The following KIF26B variants were observed in gnomAD, a reference collection of about 807,000 sequenced individuals.
The protein encoded by KIF26B is kinesin-like protein KIF26B.
In KIF26B, 63 loss-of-function variants were observed where a neutral mutation model predicts 151.2. That is an observed-to-expected ratio of 0.42 (90% confidence interval 0.34 to 0.51). The LOEUF (loss-of-function observed/expected upper bound fraction) is 0.51. Ranked by LOEUF, KIF26B falls within the 20% of genes least tolerant of loss-of-function variation. The pLI, the probability that KIF26B is intolerant of heterozygous loss-of-function variation, is 0.07. For missense variants in KIF26B, 2,813 were observed against 2,913.6 expected (o/e 0.97, Z 0.79); for synonymous variants, 1,357 against 1,262.1 (o/e 1.08, Z -1.59).
chr1:245,158,260 C>T (rs1359191548), intron 2 of KIF26B, among the ~76,000 whole-genome samples: 7 of 151,534 alleles, frequency 4.6e-5, no homozygotes, highest in African/African-American at 1.7e-4. Context: ...ATGCAAAGGC[C>T]GATCAAAATA....
chr1:245,173,866 G>A (rs1015750519), intron 2 of KIF26B, among the ~76,000 whole-genome samples: 4 of 152,210 alleles, frequency 2.6e-5, no homozygotes, highest in Non-Finnish European at 5.9e-5. Context: ...GTGGTACGAC[G>A]TGTGACACGG....
chr1:245,565,027 G>A (rs1340117857), intron 5 of KIF26B, among the ~76,000 whole-genome samples: 1 of 152,174 alleles, frequency 6.6e-6, no homozygotes, highest in Non-Finnish European at 1.5e-5. Context: ...CTGTTACAGA[G>A]AACAAAATTT....
At chr1:245,507,903 C>T (rs1399079046) in intron 4 of KIF26B, among the ~76,000 whole-genome samples, 1 of 152,180 alleles carries the variant, frequency 6.6e-6, no homozygotes, top group African/African-American at 2.4e-5. Context: ...TGGCATCTTT[C>T]ATTTCCACCT....
intron 9 of KIF26B, among the ~76,000 whole-genome samples, chr1:245,631,564 G>A (rs1047537373): frequency 2.0e-5 from 3 of 152,140 alleles, no homozygotes; most frequent in African/African-American, 4.8e-5. Context: ...ATGTTCATCA[G>A]GGATATTGGT....
rs1350605894 is a variant in KIF26B at position 245,560,147 on chromosome 1, G to A, written c.1350+19197G>A. On this transcript the variant is annotated intron_variant, in intron 5 of 14. Coordinates refer to ENST00000407071, the MANE Select transcript of KIF26B (RefSeq NM_018012.4). The surrounding 1 kb of genome is among the most constrained non-coding windows in gnomAD (Gnocchi z 4.3). Reference sequence around the variant, plus strand: ...GTGCCTGTGTCCCCTACTCCAGACCGTGAGTTGTGGATGAAAGGGGCTGTA... The same window carrying A: ...GTGCCTGTGTCCCCTACTCCAGACCATGAGTTGTGGATGAAAGGGGCTGTA... 6.6e-6 allele frequency among the ~76,000 whole-genome samples: 1 copy of A among 152,122 alleles called. No individual in the cohort carries two copies. Among genetic ancestry groups the A allele is most frequent in the Non-Finnish European group, 1.5e-5 (1 of 68,024 alleles).
At chr1:245,191,075 A>G (rs1383017603) in intron 2 of KIF26B, among the ~76,000 whole-genome samples, 2 of 150,874 alleles carry the variant, frequency 1.3e-5, no homozygotes, top group East Asian at 3.9e-4. Flanking sequence ...AAAAAAAAAA[A>G]AAAAAAAAAA....
chr1:245,508,382 T>A (rs1036309828), intron 4 of KIF26B, among the ~76,000 whole-genome samples: 5 of 152,240 alleles, frequency 3.3e-5, no homozygotes, highest in African/African-American at 7.2e-5. Flanking sequence ...CTGTGACTAC[T>A]GGCGCCCGCC....
chr1:245,475,537 A>G (rs1660016553), intron 4 of KIF26B, among the ~76,000 whole-genome samples: 1 of 151,792 alleles, frequency 6.6e-6, no homozygotes, highest in Non-Finnish European at 1.5e-5. Context: ...ACAGAGCCAG[A>G]CTCCATCTCT....
In KIF26B at chr1:245,218,201, A is replaced by T. The variant is rs915526456; in HGVS notation, c.465+61518A>T. On this transcript the variant is annotated intron_variant, in intron 2 of 14. Coordinates refer to ENST00000407071, the MANE Select transcript of KIF26B (RefSeq NM_018012.4). The surrounding 1 kb of genome is among the most constrained non-coding windows in gnomAD (Gnocchi z 4.1). ...CAGGGGCTACTCCAGCTTTCATGTC[A>T]CCAGAGCAGTGACATTCGGGCCCTC... Among the ~76,000 whole-genome samples the T allele has an allele frequency of 3.9e-5, 6 of 152,082 alleles. No homozygotes were observed. Among genetic ancestry groups the T allele is most frequent in the African/African-American group, 1.2e-4 (5 of 41,418 alleles).
Position 245,606,398 on chromosome 1 carries a change from C to T in KIF26B, c.1558-1253C>T, listed in dbSNP as rs146841080. Among the ~76,000 whole-genome samples, 491 of 151,670 alleles carry T rather than the reference C, an allele frequency of 3.2e-3. 8 individuals carry two copies. The highest frequency in any genetic ancestry group is 0.011 in the African/African-American group (448 of 41,570). On this transcript the variant is annotated intron_variant, in intron 6 of 14. Transcript: ENST00000407071. The surrounding 1 kb of genome is among the most constrained non-coding windows in gnomAD (Gnocchi z 4.6). The stretch of plus-strand genomic sequence containing the variant: ...CAAAGCCCCATGTTAGCACTGCCTC[C>T]CGGAGCTCCCACGAGCCCTGACTCC...
intron 2 of KIF26B, among the ~76,000 whole-genome samples, chr1:245,197,369 G>A (rs1285885996): frequency 2.6e-5 from 4 of 152,306 alleles, no homozygotes; most frequent in African/African-American, 9.6e-5. Flanking sequence ...AGGAAGATCT[G>A]AGGAGGGGCA....
At chr1:245,184,019 C>T (rs1396756840) in intron 2 of KIF26B, among the ~76,000 whole-genome samples, 2 of 96,660 alleles carry the variant, frequency 2.1e-5, no homozygotes, top group Non-Finnish European at 4.7e-5. Flanking sequence ...TGACCCCTAA[C>T]CTCCTGCAAC....
intron 5 of KIF26B, among the ~76,000 whole-genome samples, chr1:245,587,932 T>C (rs1007350296): frequency 6.6e-6 from 1 of 152,214 alleles, no homozygotes; most frequent in Non-Finnish European, 1.5e-5. Flanking sequence ...TCCCAGCACA[T>C]GATAAATGCT....
chr1:245,290,810 A>G (rs1046223356), intron 2 of KIF26B, among the ~76,000 whole-genome samples: 3 of 152,230 alleles, frequency 2.0e-5, no homozygotes, highest in Non-Finnish European at 4.4e-5. Flanking sequence ...TACTTGGTGT[A>G]TCAGTTATCT....
intron 3 of KIF26B, among the ~76,000 whole-genome samples, chr1:245,414,643 C>T (rs1356495604): frequency 6.6e-6 from 1 of 152,202 alleles, no homozygotes; most frequent in Non-Finnish European, 1.5e-5. Flanking sequence ...CTTCTAGGCC[C>T]CACAGAGGCC....
chr1:245,663,650 A>G (rs2044181653), intron 10 of KIF26B, among the ~76,000 whole-genome samples: 1 of 152,214 alleles, frequency 6.6e-6, no homozygotes, highest in South Asian at 2.1e-4. Context: ...TACTTCTACC[A>G]GGTGCCAGTT....
At chr1:245,277,260 A>G (rs1670956475) in intron 2 of KIF26B, among the ~76,000 whole-genome samples, 1 of 152,196 alleles carries the variant, frequency 6.6e-6, no homozygotes, top group Non-Finnish European at 1.5e-5. Context: ...CCCCAGGGAC[A>G]TGGGAAGTGA....
chr1:245,652,477 T>A (rs1467038379), intron 10 of KIF26B, among the ~76,000 whole-genome samples: 1 of 152,228 alleles, frequency 6.6e-6, no homozygotes, highest in Non-Finnish European at 1.5e-5. Flanking sequence ...GCTTTTATTT[T>A]TCCCCCTTAG....
intron 9 of KIF26B, among the ~76,000 whole-genome samples, chr1:245,622,140 C>T (rs576371174): frequency 6.6e-5 from 10 of 152,264 alleles, no homozygotes; most frequent in African/African-American, 2.4e-4. Flanking sequence ...TAACTATTTC[C>T]ATAGCACGCT....
Sources: gnomAD v4.1 joint callset for allele counts (sites outside exome capture counted in the v4.1 genomes callset) on GRCh38, gnomAD v4.1.1 for gene constraint, Gnocchi (gnomAD v3.1) non-coding constraint, MANE v1.5 for transcripts, NCBI Gene and HGNC (gene_info 2026-07-23, HGNC 2026-07-21) for gene names.